HUWE1: variants seen among roughly 807,000 people sequenced by gnomAD.
HUWE1 encodes E3 ubiquitin-protein ligase HUWE1.
In HUWE1, 18 loss-of-function variants were observed where a neutral mutation model predicts 299.4. The ratio of observed to expected loss-of-function variants is 0.06; its 90% CI spans 0.04 to 0.09. The LOEUF (loss-of-function observed/expected upper bound fraction) is 0.09, where lower values mean the gene tolerates loss of function less well. Ranked by LOEUF, HUWE1 falls within the 10% of genes least tolerant of loss-of-function variation. The pLI is 1.00. For synonymous variants in HUWE1, 1,317 were observed against 1,286.1 expected (o/e 1.02, Z -0.51); for missense variants, 1,832 against 3,462.3 (o/e 0.53, Z 11.82).
At chrX:53,667,800 T>A (rs2069321472) in intron 3 of HUWE1, among the ~76,000 whole-genome samples, 2 of 111,518 alleles carry the variant, frequency 1.8e-5, no homozygotes, top group African/African-American at 6.5e-5. Context: ...AACCCTGAAA[T>A]TCTGTGGGAA....
At position 53,617,220 on chromosome X, in the gene HUWE1, T is replaced by A. The variant is rs955309650; in HGVS notation, c.1780-73A>T. 8 of 1,042,448 alleles carry A rather than the reference T, an allele frequency of 7.7e-6. No homozygotes were observed. In the African/African-American group the frequency reaches 1.5e-4, roughly 20 times the overall value. The allele number at this position is 1,042,448 out of a possible 1,213,427, so 85.9% of individuals were successfully genotyped here. A position where few individuals can be genotyped will look rare whatever the true frequency, so the allele number is the denominator to read the frequency against. ...TGCTAGGAAAATCCGGCCATGGGTA[T>A]CAAGCTGAGATAGAAGGAATTTTGA... On this transcript the variant is annotated intron_variant, in intron 20 of 83. Transcript: ENST00000262854.
rs782492104 is a variant in HUWE1, at chrX:53,547,874, C to T, written c.10435G>A (p.Gly3479Ser). Reference sequence around the variant, plus strand: ...GTGGCAGTGGTGGTGGAGGAAGCACCGCTGCCAGAATTAGCCTGTGCTTCT... The same window carrying T: ...GTGGCAGTGGTGGTGGAGGAAGCACTGCTGCCAGAATTAGCCTGTGCTTCT... ...VSEAQANSGS[G>S]ASSTTTATST... Residue 3479 changes from glycine to serine, a missense_variant, in exon 68 of 84, where the codon GGT becomes AGT. Gly to Ser is a moderately conservative substitution (Grantham distance 56). This residue lies in a region of HUWE1 where 119 missense variants were observed against 124.6 expected (regional missense o/e 0.96). Transcript: ENST00000262854. 6 of 1,205,050 alleles carry T rather than the reference C, an allele frequency of 5.0e-6. No homozygotes were observed. Among genetic ancestry groups the T allele is most frequent in the East Asian group, 3.0e-5 (1 of 33,626 alleles).
chrX:53,673,598 T>C (rs782809307), intron 3 of HUWE1, among the ~76,000 whole-genome samples: 139 of 111,929 alleles, frequency 1.2e-3, no homozygotes, highest in Non-Finnish European at 1.7e-3. Flanking sequence ...ACAATATTTT[T>C]AATAATTCTG....
In HUWE1 at chrX:53,533,354, T is replaced by C. The variant is rs201116420; in HGVS notation, c.13080A>G (p.Leu4360=). 1.7e-6 allele frequency: 2 copies of C among 1,208,561 alleles called. No homozygotes were observed. The highest frequency in any genetic ancestry group is 2.2e-6 in the Non-Finnish European group (2 of 893,387). The change falls in exon 84 of 84, where the codon CTA becomes CTG. Residue 4360 remains leucine (L), a synonymous_variant. Transcript: ENST00000262854. Reference sequence around the variant, plus strand: ...CAGAGCACTCCTGGATAGCCAACAGTAGCATGTGGCGGAGCTTCTCAAAGC... The same window carrying C: ...CAGAGCACTCCTGGATAGCCAACAGCAGCATGTGGCGGAGCTTCTCAAAGC... ...YESFEKLRHM[L]LLAIQECSEG...
Position 53,590,862 on chromosome X carries a change from G to C in HUWE1, c.4095+138C>G, listed in dbSNP as rs782743817. ...CAGAAAACTTCTGTTATTATGAAAAGAAAATACTGGCATGGACATGTCTGA... is the reference window on the plus strand; with the variant it reads ...CAGAAAACTTCTGTTATTATGAAAACAAAATACTGGCATGGACATGTCTGA... On this transcript the variant is annotated intron_variant, in intron 34 of 83. Coordinates refer to ENST00000262854, the MANE Select transcript of HUWE1 (RefSeq NM_031407.7). 4 of 762,363 alleles carry C rather than the reference G, an allele frequency of 5.2e-6. No homozygotes were observed. The South Asian group carries it at 9.3e-5, about 18-fold the overall frequency. The allele number at this position is 762,363 out of a possible 1,213,427, so 62.8% of individuals were successfully genotyped here.
intron 11 of HUWE1, 117 bp downstream of exon 11, chrX:53,631,297 A>G (rs2066857872): frequency 5.0e-6 from 3 of 598,294 alleles, no homozygotes; most frequent in Middle Eastern, 4.9e-4. Flanking sequence ...CAATTTGCCC[A>G]TGGTCTGACT....
chrX:53,602,546 T>C lies in HUWE1; in HGVS notation c.2971+18A>G. The C allele has an allele frequency of 1.0e-6, 1 of 961,224 alleles. No homozygotes were observed. The highest frequency in any genetic ancestry group is 1.5e-6 in the Non-Finnish European group (1 of 668,910). The allele number at this position is 961,224 out of a possible 1,213,427, so 79.2% of individuals were successfully genotyped here. A position where few individuals can be genotyped will look rare whatever the true frequency, so the allele number is the denominator to read the frequency against. On this transcript the variant is annotated intron_variant, in intron 28 of 83. Transcript: ENST00000262854. ...AAACTTAGAAGTAATGACTAACATT[T>C]TAGTTTCTTAGAGTTACCTGATCTT... is the stretch of plus-strand genomic sequence containing the variant.
intron 8 of HUWE1, among the ~76,000 whole-genome samples, chrX:53,633,298 A>G (rs2066990419): frequency 8.9e-6 from 1 of 112,067 alleles, no homozygotes; most frequent in Admixed American, 9.4e-5. Flanking sequence ...ACCTCTTTAT[A>G]CTCTGAATTT....
At chrX:53,645,553 C>T in intron 6 of HUWE1, 90 bp from the exon 7 acceptor site, 1 of 934,664 alleles carries the variant, frequency 1.1e-6, no homozygotes, top group South Asian at 2.1e-5. Context: ...ATTTACAAAG[C>T]TATCAAGAAG....
chrX:53,554,913 C>A lies in HUWE1; in HGVS notation c.8214G>T (p.Thr2738=). The A allele has an allele frequency of 1.7e-6, 2 of 1,165,734 alleles. No individual in the cohort carries two copies. The highest frequency in any genetic ancestry group is 4.1e-5 in the South Asian group (2 of 48,826). ...TTGTTGGGTAGCTGTCAGGCATAGG[C>A]GTCCCATCTTTCTCGGAAAGAACAA... ...DSTEQNLSDG[T]PMPDSYPTTP... is the part of the protein sequence containing the mutation. The change falls in exon 61 of 84, where the codon ACG becomes ACT. Residue 2738 remains threonine, a synonymous_variant. Coordinates refer to ENST00000262854, the MANE Select transcript of HUWE1 (RefSeq NM_031407.7).
rs183624981 is a variant in HUWE1, at chrX:53,685,670, G to T, written c.-163+600C>A. On this transcript the variant is annotated intron_variant, in intron 2 of 83. Coordinates refer to ENST00000262854, the MANE Select transcript of HUWE1 (RefSeq NM_031407.7). ...CTAAAATTACAAAGATTGATAATAC[G>T]TGTTGGCATAACTGTGGAAAAATAG... 1.3e-4 allele frequency among the ~76,000 whole-genome samples: 15 copies of T among 111,827 alleles called. No individual in the cohort carries two copies. The East Asian group carries it at 4.2e-3, about 31-fold the overall frequency.
intron 81 of HUWE1, among the ~76,000 whole-genome samples, chrX:53,535,163 C>A (rs186393681): frequency 9.0e-6 from 1 of 111,122 alleles, no homozygotes; most frequent in East Asian, 2.9e-4. Context: ...TCAAACTCCT[C>A]ACCTCAACTG....
chrX:53,595,974 A>G (rs1556984499), intron 29 of HUWE1, among the ~76,000 whole-genome samples: 1 of 112,473 alleles, frequency 8.9e-6, no homozygotes, highest in African/African-American at 3.2e-5. Context: ...GGCAGCATAC[A>G]AATATAAACA....
At position 53,593,437 on chromosome X, in the gene HUWE1, G is replaced by A; in HGVS notation, c.3668C>T (p.Pro1223Leu). 8.3e-7 allele frequency: 1 copy of A among 1,211,433 alleles called. No individual in the cohort carries two copies. The highest frequency in any genetic ancestry group is 2.2e-5 in the Admixed American group (1 of 46,070). ...TTVLESPHSL[P>L]AKLPGGVQNF... ...CTGGACACCTCCAGGCAATTTGGCA[G>A]GCAGCGAATGTGGAGATTCAAGCAC... is the stretch of plus-strand genomic sequence containing the variant. The change falls in exon 32 of 84, where the codon CCT (proline) becomes CTT (leucine). Residue 1223 changes from proline (P) to leucine (L), a missense_variant. This residue lies in a region of HUWE1 where 658 missense variants were observed against 1,282.6 expected (regional missense o/e 0.51). Coordinates refer to ENST00000262854, the MANE Select transcript of HUWE1 (RefSeq NM_031407.7).
intron 74 of HUWE1, among the ~76,000 whole-genome samples, chrX:53,540,174 G>A (rs1367214356): frequency 8.9e-6 from 1 of 111,789 alleles, no homozygotes; most frequent in Non-Finnish European, 1.9e-5. Flanking sequence ...AGCTTTGGAT[G>A]GTTGCCTTCC....
intron 4 of HUWE1, among the ~76,000 whole-genome samples, chrX:53,649,412 T>C (rs2068300946): frequency 8.9e-6 from 1 of 112,006 alleles, no homozygotes; most frequent in African/African-American, 3.3e-5. Context: ...AACATGTACC[T>C]ATATATCCAG....
chrX:53,625,830 G>C (rs1227148272), intron 17 of HUWE1: 2 of 131,628 alleles, frequency 1.5e-5, no homozygotes, highest in African/African-American at 3.2e-5. Flanking sequence ...GCCGGGACCA[G>C]GACCGGGGCC....
intron 39 of HUWE1, among the ~76,000 whole-genome samples, chrX:53,586,136 G>C (rs965068147): frequency 1.8e-5 from 2 of 111,990 alleles, no homozygotes; most frequent in Non-Finnish European, 3.8e-5. Context: ...CCCTAAAAGG[G>C]GAATGTTCAC....
chrX:53,605,189 G>GT (rs2065083718), intron 25 of HUWE1, among the ~76,000 whole-genome samples: 2 of 112,600 alleles, frequency 1.8e-5, no homozygotes, highest in Admixed American at 1.9e-4. Context: ...ATGGAAGTGA[G>GT]TCACTATTAC....
Sources: gnomAD v4.1 joint callset for allele counts (sites outside exome capture counted in the v4.1 genomes callset) on GRCh38, gnomAD v4.1.1 for gene constraint, gnomAD v4.1.1 regional missense constraint, MANE v1.5 for transcripts, NCBI Gene and HGNC (gene_info 2026-07-23, HGNC 2026-07-21) for gene names.